Variants in DAB1 observed in about 807,000 individuals in gnomAD.
The protein encoded by DAB1 is DAB adaptor protein 1.
A neutral mutation model predicts 64.6 loss-of-function variants in DAB1; 15 were observed. The observed-to-expected ratio is 0.23, with a 90% CI of 0.16 to 0.36. The LOEUF is 0.36. Among genes scored for constraint, DAB1 ranks in the 10% least tolerant of loss-of-function variants. The pLI is 1.00. For missense variants in DAB1, 596 were observed against 706.7 expected (o/e 0.84, Z 1.78); for synonymous variants, 235 against 251.9 (o/e 0.93, Z 0.64).
intron 3 of DAB1, among the ~76,000 whole-genome samples, chr1:58,396,509 G>T (rs948963032): frequency 1.4e-4 from 22 of 152,036 alleles, no homozygotes; most frequent in Non-Finnish European, 2.6e-4. Context: ...GTGGCGGTGG[G>T]GGCGGGCAGT....
intron 5 of DAB1, among the ~76,000 whole-genome samples, chr1:58,008,150 C>A (rs1646613768): frequency 6.6e-6 from 1 of 152,102 alleles, no homozygotes; most frequent in Non-Finnish European, 1.5e-5. Flanking sequence ...GAGATTACTT[C>A]CATTTATAGA....
At chr1:58,452,807 G>A (rs1275692697) in intron 3 of DAB1, among the ~76,000 whole-genome samples, 8 of 150,766 alleles carry the variant, frequency 5.3e-5, no homozygotes, top group African/African-American at 1.2e-4. Context: ...CAGCCTGGGC[G>A]ACAGAGAGAG....
In DAB1 at chr1:58,528,460, C is replaced by CTAAGTGCTTTAAAT. The variant is rs1263760109; in HGVS notation, n.33-1139_33-1126dup. On this transcript the variant is annotated intron_variant and non_coding_transcript_variant, in intron 1 of 20. Coordinates refer to the DAB1 transcript ENST00000485760. ...GCCCTGATTTGTGCCAGGTACTGTG[C>CTAAGTGCTTTAAAT]TAAGTGCTTTAAATTAATGATTCTA... is the stretch of plus-strand genomic sequence containing the variant. Among the ~76,000 whole-genome samples, 7 of 152,164 alleles carry CTAAGTGCTTTAAAT rather than the reference C, an allele frequency of 4.6e-5. No individual in the cohort carries two copies. In the South Asian group the frequency reaches 1.2e-3, roughly 27 times the overall value.
At chr1:57,896,324 C>T (rs1194994008) in intron 5 of DAB1, among the ~76,000 whole-genome samples, 1 of 151,822 alleles carries the variant, frequency 6.6e-6, no homozygotes, top group Non-Finnish European at 1.5e-5. Context: ...TGTACTACTA[C>T]TCTTATTACT....
At chr1:58,210,282 G>A (rs1411089537) in intron 4 of DAB1, among the ~76,000 whole-genome samples, 1 of 152,130 alleles carries the variant, frequency 6.6e-6, no homozygotes, top group African/African-American at 2.4e-5. Context: ...TCTAGGGGGA[G>A]GAACTGCACA....
At chr1:57,031,692 T>C (rs1042752694) in intron 9 of DAB1, among the ~76,000 whole-genome samples, 4 of 152,206 alleles carry the variant, frequency 2.6e-5, no homozygotes, top group Non-Finnish European at 5.9e-5. Flanking sequence ...TGCTAAATAG[T>C]GGAAGTCCAG....
chr1:57,963,283 C>T (rs1645571082), intron 5 of DAB1, among the ~76,000 whole-genome samples: 1 of 152,150 alleles, frequency 6.6e-6, no homozygotes, highest in Admixed American at 6.6e-5. Context: ...GCTCAGGGTG[C>T]CATGCAAGCA....
At chr1:58,044,609 G>A (rs886866004) in intron 5 of DAB1, among the ~76,000 whole-genome samples, 1 of 151,972 alleles carries the variant, frequency 6.6e-6, no homozygotes, top group African/African-American at 2.4e-5. Flanking sequence ...TTTACTCTGG[G>A]TGTTGAATTC....
intron 5 of DAB1, among the ~76,000 whole-genome samples, chr1:58,036,791 G>A (rs191876139): frequency 1.3e-5 from 2 of 152,228 alleles, no homozygotes; most frequent in East Asian, 1.9e-4. Flanking sequence ...CTGTAGGGAG[G>A]TTACAGTTTT....
At chr1:57,339,638 C>T (rs1018644448) in intron 1 of DAB1, among the ~76,000 whole-genome samples, 26 of 152,166 alleles carry the variant, frequency 1.7e-4, no homozygotes, top group African/African-American at 5.3e-4. Context: ...GTTTAAGGTC[C>T]TAACAGTCTC....
At chr1:57,829,305 T>C (rs1408700430) in intron 1 of DAB1, among the ~76,000 whole-genome samples, 1 of 152,190 alleles carries the variant, frequency 6.6e-6, no homozygotes, top group Non-Finnish European at 1.5e-5. Flanking sequence ...TAACACAATT[T>C]TAGTGGTAGG....
At chr1:57,590,735 A>AACACACACAC (rs58957864) in intron 7 of DAB1, among the ~76,000 whole-genome samples, 379 of 132,426 alleles carry the variant, frequency 2.9e-3, no homozygotes, top group East Asian at 5.9e-3. Context: ...TGTAGTCCGT[A>AACACACACAC]ACACACACAC....
chr1:58,158,303 G>A (rs996933052), intron 4 of DAB1, among the ~76,000 whole-genome samples: 1 of 152,144 alleles, frequency 6.6e-6, no homozygotes, highest in Non-Finnish European at 1.5e-5. Context: ...GCCCAGGGGG[G>A]AAAGGCATGA....
intron 3 of DAB1, among the ~76,000 whole-genome samples, chr1:58,349,495 C>T (rs903779524): frequency 6.6e-6 from 1 of 151,828 alleles, no homozygotes; most frequent in African/African-American, 2.4e-5. Flanking sequence ...GTTCGGGGTA[C>T]ATGTGCAGAA....
chr1:57,290,902 A>T (rs1458577170), intron 2 of DAB1, 62 bp downstream of exon 2: 2 of 980,632 alleles, frequency 2.0e-6, no homozygotes, highest in Middle Eastern at 2.1e-4. Flanking sequence ...CATTCCAGAG[A>T]TCTAAAAACT....
At chr1:57,401,611 T>C (rs1429063270) in intron 1 of DAB1, among the ~76,000 whole-genome samples, 1 of 152,196 alleles carries the variant, frequency 6.6e-6, no homozygotes, top group East Asian at 1.9e-4. Flanking sequence ...CATCACAGTA[T>C]GCATAAAATC....
intron 5 of DAB1, among the ~76,000 whole-genome samples, chr1:58,063,904 T>A (rs2100555962): frequency 6.6e-6 from 1 of 152,300 alleles, no homozygotes; most frequent in African/African-American, 2.4e-5. Context: ...TGATTCCCAG[T>A]GAGAAAGTGA....
intron 5 of DAB1, among the ~76,000 whole-genome samples, chr1:58,000,705 G>A (rs1044120094): frequency 4.6e-5 from 7 of 151,540 alleles, no homozygotes; most frequent in African/African-American, 1.7e-4. Context: ...TGAGTAGGTA[G>A]GATTACAGGC....
intron 5 of DAB1, among the ~76,000 whole-genome samples, chr1:57,905,380 G>A (rs1644535676): frequency 6.6e-6 from 1 of 152,058 alleles, no homozygotes; most frequent in Non-Finnish European, 1.5e-5. Flanking sequence ...GCCTGCAGAG[G>A]GGAAAGAGGC....
Sources: gnomAD v4.1 joint callset for allele counts (sites outside exome capture counted in the v4.1 genomes callset) on GRCh38, gnomAD v4.1.1 for gene constraint, MANE v1.5 for transcripts, NCBI Gene and HGNC (gene_info 2026-07-23, HGNC 2026-07-21) for gene names.